IL18BP: variants seen among roughly 807,000 people sequenced by gnomAD.
The protein encoded by IL18BP is interleukin-18-binding protein.
A neutral mutation model predicts 19.9 loss-of-function variants in IL18BP; 23 were observed. The observed-to-expected ratio is 1.15, with a 90% CI of 0.83 to 1.64. The LOEUF is 1.64. IL18BP is among the 40% of genes most tolerant of loss of function. IL18BP has a pLI of 0.00. For missense variants in IL18BP, 239 were observed against 240.7 expected (o/e 0.99, Z 0.05); for synonymous variants, 107 against 101.0 (o/e 1.06, Z -0.35).
downstream of IL18BP, chr11:72,007,375 G>A (rs1390383152): frequency 6.2e-7 from 1 of 1,613,856 alleles, no homozygotes; most frequent in South Asian, 1.1e-5. Flanking sequence ...GGCGCTGGGA[G>A]ATAGGTGAGG....
downstream of IL18BP, chr11:72,005,940 C>G (rs1955655399): frequency 9.3e-7 from 1 of 1,078,130 alleles, no homozygotes; most frequent in African/African-American, 1.6e-5. Context: ...AGGAGGCCAG[C>G]CTTGGATTTT....
At chr11:72,003,460 G>A, downstream of IL18BP, 1 of 1,492,108 alleles carries the variant, frequency 6.7e-7, no homozygotes, top group Non-Finnish European at 9.4e-7. Flanking sequence ...GAGAGGGACA[G>A]TAGGCGGAGG....
chr11:72,004,448 C>T, downstream of IL18BP: 2 of 1,230,376 alleles, frequency 1.6e-6, no homozygotes, highest in South Asian at 2.5e-5. Context: ...CAACGTGCAA[C>T]CTGCTCCCCT....
chr11:72,003,839 C>T (rs754127721), downstream of IL18BP: 3 of 1,586,696 alleles, frequency 1.9e-6, no homozygotes, highest in Non-Finnish European at 2.6e-6. Flanking sequence ...CTGGGGGGTG[C>T]CCATGCTCTC....
At position 71,999,960 on chromosome 11, in the gene IL18BP, C is replaced by T; in HGVS notation, c.-25C>T. 2 of 1,613,440 alleles carry T rather than the reference C, an allele frequency of 1.2e-6. No individual in the cohort carries two copies. The highest frequency in any genetic ancestry group is 1.7e-6 in the Non-Finnish European group (2 of 1,179,522). On this transcript the variant is annotated 5_prime_UTR_variant, in exon 2 of 6. Transcript: ENST00000393703. ...ACGTTGTCACAGATAAAGAGCCAGG[C>T]TCACCAGCTCCTGACGCATGCATCA...
At chr11:72,006,023 T>TA, downstream of IL18BP, 1 of 1,599,612 alleles carries the variant, frequency 6.3e-7, no homozygotes, top group Non-Finnish European at 8.6e-7. Context: ...TAAGTCCCTG[T>TA]AGTCCCCTCA....
At chr11:72,002,833 T>C (rs1301321429), downstream of IL18BP, 1 of 200,768 alleles carries the variant, frequency 5.0e-6, no homozygotes, top group Non-Finnish European at 1.0e-5. Context: ...ATATTCCTCT[T>C]TTTCCCACAC....
intron 1 of IL18BP, 134 bp from the exon 2 acceptor site, chr11:71,999,793 C>T (rs1955112265): frequency 6.7e-6 from 4 of 598,506 alleles, no homozygotes; most frequent in Non-Finnish European, 1.2e-5. Flanking sequence ...TCACTTGACC[C>T]CCCCAGCTCT....
chr11:72,006,308 T>TG, downstream of IL18BP: 1 of 1,544,178 alleles, frequency 6.5e-7, no homozygotes, highest in Middle Eastern at 1.7e-4. Context: ...TCCCTGGCAC[T>TG]GTACAGAAGC....
downstream of IL18BP, chr11:72,004,877 G>A: frequency 1.4e-6 from 2 of 1,473,542 alleles, no homozygotes; most frequent in South Asian, 1.4e-5. Flanking sequence ...GGAGGACCTG[G>A]GGCTGTCCCA....
At chr11:72,004,862 A>G (rs761583806), downstream of IL18BP, 4 of 1,505,010 alleles carry the variant, frequency 2.7e-6, no homozygotes, top group Non-Finnish European at 2.7e-6. Flanking sequence ...CTGTATGGAG[A>G]TGGAGGAGGA....
At chr11:72,006,138 G>C (rs1267182669), downstream of IL18BP, 1 of 1,614,148 alleles carries the variant, frequency 6.2e-7, no homozygotes, top group Non-Finnish European at 8.5e-7. Flanking sequence ...TGCCATAATC[G>C]GGAGAACCCA....
At chr11:72,004,430 T>C (rs1955530830), downstream of IL18BP, 1 of 1,308,928 alleles carries the variant, frequency 7.6e-7, no homozygotes, top group South Asian at 1.2e-5. Context: ...TGAGTGGACC[T>C]TGTAAGTCAA....
chr11:72,003,841 C>T (rs2134318609), downstream of IL18BP: 1 of 1,591,856 alleles, frequency 6.3e-7, no homozygotes, highest in East Asian at 2.2e-5. Context: ...GGGGGGTGCC[C>T]ATGCTCTCAT....
At chr11:72,006,438 C>CAA (rs1955710317), downstream of IL18BP, among the ~76,000 whole-genome samples, 1 of 152,202 alleles carries the variant, frequency 6.6e-6, no homozygotes, top group African/African-American at 2.4e-5. Context: ...GAAGCCCTCA[C>CAA]AAGGTGGTGC....
intron 1 of IL18BP, chr11:71,999,280 A>C: frequency 2.4e-6 from 1 of 413,580 alleles, no homozygotes; most frequent in South Asian, 1.8e-5. Context: ...AGGAGGAAGC[A>C]GATGCCTGTT....
chr11:72,000,470 C>G lies in IL18BP; in HGVS notation c.148C>G (p.Pro50Ala), dbSNP rs761007086. Reference sequence around the variant, plus strand: ...TGCCTCAGTTAGAAGCACAAAGGACCCCTGCCCCTCCCAGCCCCCAGTGTT... The same window carrying G: ...TGCCTCAGTTAGAAGCACAAAGGACGCCTGCCCCTCCCAGCCCCCAGTGTT... The part of the protein sequence containing the change: ...ATASVRSTKD[P>A]CPSQPPVFPA... The change falls in exon 3 of 6, where the codon CCC (proline) becomes GCC (alanine). Residue 50 changes from proline to alanine, a missense_variant. Pro to Ala is a conservative substitution (Grantham distance 27). Transcript: ENST00000393703. 1 of 1,613,946 alleles carries G rather than the reference C, an allele frequency of 6.2e-7. No homozygotes were observed. The highest frequency in any genetic ancestry group is 8.5e-7 in the Non-Finnish European group (1 of 1,180,008).
Position 72,002,149 on chromosome 11 carries a change from C to A in IL18BP, c.*288C>A. On this transcript the variant is annotated 3_prime_UTR_variant, in exon 6 of 6. Coordinates refer to ENST00000393703, the MANE Select transcript of IL18BP (RefSeq NM_001039660.2). ...CACTGCTCTACTGCTCAGAAACCAC[C>A]AAGACTGTTGATGCCTTAGCCTTGC... The A allele has an allele frequency of 2.0e-6, 1 of 510,004 alleles. No individual in the cohort carries two copies. Among genetic ancestry groups the A allele is most frequent in the Admixed American group, 3.4e-5 (1 of 29,116 alleles). 31.6% of individuals were successfully genotyped at this position (510,004 alleles called of 1,614,324 possible).
rs1045184863 is a variant in IL18BP, at chr11:72,002,332, G to C, written c.*471G>C. The C allele has an allele frequency of 5.8e-6, 1 of 171,060 alleles. No homozygotes were observed. The highest frequency in any genetic ancestry group is 1.2e-5 in the Non-Finnish European group (1 of 80,158). The allele number at this position is 171,060 out of a possible 1,614,324, so 10.6% of individuals were successfully genotyped here. ...AACGCTCAAGCCTGGTTGAAATGCT[G>C]CCTCTTCAGTGAAGTCATCCTCTTT... On this transcript the variant is annotated 3_prime_UTR_variant, in exon 6 of 6. Transcript: ENST00000393703.
Sources: allele counts gnomAD v4.1 joint callset (sites outside exome capture counted in the v4.1 genomes callset), GRCh38; gene constraint gnomAD v4.1.1; transcripts MANE v1.5; gene names NCBI Gene and HGNC (gene_info 2026-07-23, HGNC 2026-07-21).